Variants in SLC3A1 observed in about 807,000 individuals in gnomAD.
SLC3A1 encodes the protein amino acid transporter heavy chain SLC3A1.
A neutral mutation model predicts 60.3 loss-of-function variants in SLC3A1; 78 were observed. The ratio of observed to expected loss-of-function variants is 1.29; its 90% CI spans 1.08 to 1.56. The LOEUF (loss-of-function observed/expected upper bound fraction) is 1.56, where lower values mean the gene tolerates loss of function less well. Among genes scored for constraint, SLC3A1 ranks in the 40% most tolerant of loss-of-function variants. The pLI is 0.00. For missense variants in SLC3A1, 1,172 were observed against 858.9 expected (o/e 1.36, Z -4.56); for synonymous variants, 392 against 307.9 (o/e 1.27, Z -2.86).
At chr2:44,307,252 G>C (rs192877511) in intron 7 of SLC3A1, among the ~76,000 whole-genome samples, 117 of 152,342 alleles carry the variant, frequency 7.7e-4, no homozygotes, top group African/African-American at 2.7e-3. Flanking sequence ...AATTGACAGA[G>C]ATTTGTTTTC....
intron 5 of SLC3A1, among the ~76,000 whole-genome samples, chr2:44,300,476 T>C (rs1558462222): frequency 1.3e-5 from 2 of 152,258 alleles, no homozygotes; most frequent in South Asian, 4.2e-4. Flanking sequence ...TAGGAGATTA[T>C]TGTCATCCTA....
At chr2:44,284,757 G>T (rs779551478) in intron 3 of SLC3A1, among the ~76,000 whole-genome samples, 9 of 151,896 alleles carry the variant, frequency 5.9e-5, no homozygotes, top group Admixed American at 2.0e-4. Context: ...GTAAATATGG[G>T]CTCTCACTAT....
At position 44,320,499 on chromosome 2, in the gene SLC3A1, C is replaced by A; in HGVS notation, c.1918C>A (p.Leu640Met). The part of the protein sequence containing the change: ...GSKVDTSGIF[L>M]DKGEGLIFEH... ...TAAAGTTGATACAAGTGGCATTTTT[C>A]TGGACAAGGGAGAGGGACTCATCTT... is the stretch of plus-strand genomic sequence containing the variant. Residue 640 changes from leucine to methionine, a missense_variant, in exon 10 of 10, where the codon CTG becomes ATG. Coordinates refer to ENST00000260649, the MANE Select transcript of SLC3A1 (RefSeq NM_000341.4). 6.2e-7 allele frequency: 1 copy of A among 1,614,128 alleles called. No homozygotes were observed. The highest frequency in any genetic ancestry group is 8.5e-7 in the Non-Finnish European group (1 of 1,179,988).
intron 7 of SLC3A1, among the ~76,000 whole-genome samples, chr2:44,305,614 G>C: frequency 6.6e-6 from 1 of 151,754 alleles, no homozygotes; most frequent in Non-Finnish European, 1.5e-5. Flanking sequence ...TTTTAGTACA[G>C]ACGGGGTTTT....
At chr2:44,310,647 AG>A (rs2104381078) in intron 7 of SLC3A1, among the ~76,000 whole-genome samples, 1 of 152,216 alleles carries the variant, frequency 6.6e-6, no homozygotes, top group African/African-American at 2.4e-5. Context: ...TGAGGTTCTT[AG>A]ATACACAATT....
At chr2:44,314,953 T>TG (rs1672391474) in intron 9 of SLC3A1, 1 of 89,726 alleles carries the variant, frequency 1.1e-5, no homozygotes, top group Non-Finnish European at 2.4e-5. Flanking sequence ...TTTTTTGAGA[T>TG]GGAGTTTTGC....
chr2:44,314,147 C>A, intron 9 of SLC3A1, 196 bp downstream of exon 9: 1 of 1,325,786 alleles, frequency 7.5e-7, no homozygotes, highest in Non-Finnish European at 1.0e-6. Flanking sequence ...TACAAATCTA[C>A]CAAGTGAAGT....
At chr2:44,306,533 A>G (rs1478483229) in intron 7 of SLC3A1, among the ~76,000 whole-genome samples, 1 of 150,614 alleles carries the variant, frequency 6.6e-6, no homozygotes, top group Admixed American at 6.7e-5. Flanking sequence ...TCGAGATATA[A>G]TTCACATACC....
intron 7 of SLC3A1, among the ~76,000 whole-genome samples, chr2:44,307,415 A>C (rs763365740): frequency 6.6e-6 from 1 of 152,192 alleles, no homozygotes; most frequent in Non-Finnish European, 1.5e-5. Flanking sequence ...AGGAACTGCC[A>C]AACTGTTTTC....
chr2:44,301,244 T>A, intron 6 of SLC3A1, 117 bp downstream of exon 6: 2 of 1,307,748 alleles, frequency 1.5e-6, no homozygotes, highest in Non-Finnish European at 2.2e-6. Context: ...CCTGCATAAC[T>A]CTAATTGATT....
chr2:44,281,542 G>T lies in SLC3A1; in HGVS notation c.765+1G>T, dbSNP rs1022843154. 6.2e-7 allele frequency: 1 copy of T among 1,613,938 alleles called. No homozygotes were observed. Among genetic ancestry groups the T allele is most frequent in the Non-Finnish European group, 8.5e-7 (1 of 1,179,832 alleles). ...CAAAACCATTCCACCCAACAACTGGGTAAGTATCAACCTGTCTGACTTACA... is the reference window on the plus strand; with the variant it reads ...CAAAACCATTCCACCCAACAACTGGTTAAGTATCAACCTGTCTGACTTACA... On this transcript the variant is annotated splice_donor_variant, in intron 3 of 9. Coordinates refer to ENST00000260649, the MANE Select transcript of SLC3A1 (RefSeq NM_000341.4). LOFTEE classifies it high-confidence loss of function.
In SLC3A1 at chr2:44,275,957, A is replaced by G. The variant is rs778863744; in HGVS notation, c.422A>G (p.Asp141Gly). The stretch of plus-strand genomic sequence containing the variant: ...GACAGTAACAAGGATGGGAACGGAG[A>G]TCTGAAAGGTACATGCCCAGAGATC... Reference protein sequence around the residue: ...FKDSNKDGNGDLKGIQDKLDY... With the variant: ...FKDSNKDGNGGLKGIQDKLDY... The change falls in exon 1 of 10, where the codon GAT (aspartate) becomes GGT (glycine). Residue 141 changes from aspartate to glycine, a missense_variant. Coordinates refer to ENST00000260649, the MANE Select transcript of SLC3A1 (RefSeq NM_000341.4). The G allele has an allele frequency of 6.2e-7, 1 of 1,614,080 alleles. No individual in the cohort carries two copies. Among genetic ancestry groups the G allele is most frequent in the Admixed American group, 1.7e-5 (1 of 60,024 alleles).
chr2:44,289,016 G>C (rs1558457201), intron 4 of SLC3A1, among the ~76,000 whole-genome samples: 1 of 151,376 alleles, frequency 6.6e-6, no homozygotes, highest in African/African-American at 2.4e-5. Context: ...TGTATTTTTT[G>C]TAGAGATGGG....
chr2:44,275,886 G>C lies in SLC3A1; in HGVS notation c.351G>C (p.Trp117Cys). ...IIALSPKCLD[W>C]WQEGPMYQIY... is the part of the protein sequence containing the mutation. ...CCCTCTCTCCAAAGTGCCTAGACTG[G>C]TGGCAGGAGGGGCCCATGTACCAGA... Residue 117 changes from tryptophan (W) to cysteine (C), a missense_variant, in exon 1 of 10, where the codon TGG becomes TGC. Trp to Cys is a radical substitution (Grantham distance 215, BLOSUM62 -2). Transcript: ENST00000260649. 6.2e-7 allele frequency: 1 copy of C among 1,614,090 alleles called. No homozygotes were observed. The highest frequency in any genetic ancestry group is 1.1e-5 in the South Asian group (1 of 91,080).
chr2:44,315,653 CAAAAAAAAAAA>C (rs70965350), intron 9 of SLC3A1, among the ~76,000 whole-genome samples: 1 of 52,618 alleles, frequency 1.9e-5, no homozygotes, highest in South Asian at 8.8e-4. Context: ...AAGACCGCCT[CAAAAAAAAAAA>C]AAAAAAAAAA....
intron 7 of SLC3A1, among the ~76,000 whole-genome samples, chr2:44,305,790 C>G (rs567312723): frequency 6.6e-6 from 1 of 151,982 alleles, no homozygotes; most frequent in Non-Finnish European, 1.5e-5. Flanking sequence ...CTCGATAATC[C>G]TCCATCTCTC....
At chr2:44,298,213 G>A (rs1671904891) in intron 4 of SLC3A1, among the ~76,000 whole-genome samples, 1 of 152,174 alleles carries the variant, frequency 6.6e-6, no homozygotes, top group African/African-American at 2.4e-5. Flanking sequence ...TCAGCCCACA[G>A]CCTTTTCTGA....
At chr2:44,310,509 CTTA>C (rs1672267891) in intron 7 of SLC3A1, among the ~76,000 whole-genome samples, 1 of 152,160 alleles carries the variant, frequency 6.6e-6, no homozygotes, top group Admixed American at 6.6e-5. Flanking sequence ...AGTTGCTAAT[CTTA>C]TTGAGACTCC....
chr2:44,322,192 T>A (rs767970066), downstream of SLC3A1, among the ~76,000 whole-genome samples: 2 of 152,114 alleles, frequency 1.3e-5, no homozygotes, highest in Non-Finnish European at 2.9e-5. Context: ...GAGAGTCTTA[T>A]GCCCTGGAAA....
Sources: allele counts gnomAD v4.1 joint callset (sites outside exome capture counted in the v4.1 genomes callset), GRCh38; gene constraint gnomAD v4.1.1; transcripts MANE v1.5; gene names NCBI Gene and HGNC (gene_info 2026-07-23, HGNC 2026-07-21).